RGS6: variants seen among roughly 807,000 people sequenced by gnomAD.
RGS6 encodes regulator of G protein signaling 6, also known as regulator of G-protein signaling 6.
Under a neutral mutation model 78.5 loss-of-function variants are expected in RGS6, and 30 were observed. The ratio of observed to expected loss-of-function variants is 0.38; its 90% CI spans 0.29 to 0.52. The LOEUF is 0.52. Ranked by LOEUF, RGS6 falls within the 20% of genes least tolerant of loss-of-function variation. RGS6 has a pLI of 0.85. For synonymous variants in RGS6, 206 were observed against 206.0 expected (o/e 1.00, Z 0.00); for missense variants, 495 against 609.7 (o/e 0.81, Z 1.98).
intron 2 of RGS6, among the ~76,000 whole-genome samples, chr14:72,324,296 C>A (rs2073063314): frequency 6.6e-6 from 1 of 151,896 alleles, no homozygotes; most frequent in African/African-American, 2.4e-5. Flanking sequence ...AAAAAATTAA[C>A]AAGCACAAAC....
chr14:72,456,068 A>T (rs2096577423), intron 4 of RGS6, among the ~76,000 whole-genome samples: 1 of 152,230 alleles, frequency 6.6e-6, no homozygotes, highest in African/African-American at 2.4e-5. Flanking sequence ...GAATGATGAG[A>T]GTTATTTCTA....
intron 2 of RGS6, among the ~76,000 whole-genome samples, chr14:72,061,333 A>G (rs2093883315): frequency 6.6e-6 from 1 of 152,200 alleles, no homozygotes; most frequent in Non-Finnish European, 1.5e-5. Context: ...GTGATTTGGC[A>G]TACTCAGTGT....
At chr14:72,557,820 G>A (rs920387244) in intron 17 of RGS6, among the ~76,000 whole-genome samples, 3 of 152,198 alleles carry the variant, frequency 2.0e-5, no homozygotes, top group African/African-American at 7.2e-5. Context: ...TTCCACATTA[G>A]TTCTGTTGCG....
At chr14:71,924,753 A>G in the RGS6 span, among the ~76,000 whole-genome samples, 2 of 152,340 alleles carry the variant, frequency 1.3e-5, no homozygotes, top group Middle Eastern at 3.4e-3. Flanking sequence ...ATAATATTCC[A>G]TGTATATGGA....
the RGS6 span, among the ~76,000 whole-genome samples, chr14:72,598,977 A>T: frequency 6.6e-6 from 1 of 151,752 alleles, no homozygotes; most frequent in Admixed American, 6.6e-5. Flanking sequence ...TGGTCTGGGC[A>T]TTGGGAGACC....
chr14:72,261,771 G>A (rs2058208964), intron 2 of RGS6, among the ~76,000 whole-genome samples: 1 of 152,054 alleles, frequency 6.6e-6, no homozygotes, highest in Non-Finnish European at 1.5e-5. Flanking sequence ...CAAAATTGAA[G>A]TCTTGTAGCC....
intron 1 of RGS6, among the ~76,000 whole-genome samples, chr14:71,958,782 C>A (rs1214934928): frequency 2.0e-5 from 3 of 152,162 alleles, no homozygotes; most frequent in Non-Finnish European, 4.4e-5. Flanking sequence ...GCTGTACTTA[C>A]AAATCATCTG....
intron 3 of RGS6, among the ~76,000 whole-genome samples, chr14:72,399,910 A>G (rs1185071114): frequency 1.3e-5 from 2 of 152,202 alleles, no homozygotes; most frequent in African/African-American, 2.4e-5. Flanking sequence ...ATCTACATCT[A>G]ATTGATGTAC....
chr14:71,920,064 A>G, the RGS6 span, among the ~76,000 whole-genome samples: 1 of 152,204 alleles, frequency 6.6e-6, no homozygotes, highest in Non-Finnish European at 1.5e-5. Context: ...ATATGTAGCT[A>G]GGTTAGCAAT....
chr14:71,909,620 G>GAGGGGGAAGGAGAGAGAGA, the RGS6 span, among the ~76,000 whole-genome samples: 1 of 150,396 alleles, frequency 6.6e-6, no homozygotes, highest in African/African-American at 2.5e-5. Flanking sequence ...AGGAGAGAGA[G>GAGGGGGAAGGAGAGAGAGA]GGGGGAAAGA....
At chr14:71,902,362 C>T in the RGS6 span, among the ~76,000 whole-genome samples, 1 of 152,274 alleles carries the variant, frequency 6.6e-6, no homozygotes, top group South Asian at 2.1e-4. Context: ...TGTCAAATCT[C>T]ATTAGGCTTA....
the RGS6 span, among the ~76,000 whole-genome samples, chr14:72,582,935 G>A: frequency 7.2e-6 from 1 of 139,542 alleles, no homozygotes; most frequent in Admixed American, 7.3e-5. Flanking sequence ...ATTTGAATGA[G>A]TGGACTGAGT....
chr14:72,522,889 A>G (rs986021042), intron 15 of RGS6, among the ~76,000 whole-genome samples: 2 of 152,250 alleles, frequency 1.3e-5, no homozygotes, highest in Non-Finnish European at 2.9e-5. Flanking sequence ...ATTGGGCATA[A>G]AGGATCTTCA....
chr14:72,518,577 T>C (rs890439101), intron 15 of RGS6, 40 bp downstream of exon 15: 2 of 1,579,356 alleles, frequency 1.3e-6, no homozygotes, highest in African/African-American at 2.7e-5. Flanking sequence ...AAGGTGTTCA[T>C]TTGTCCCCTT....
rs572888028 is a variant in RGS6 at position 72,344,844 on chromosome 14, A to G, written c.85-7251A>G. On this transcript the variant is annotated intron_variant, in intron 2 of 17. Coordinates refer to ENST00000553525, the MANE Select transcript of RGS6 (RefSeq NM_001204424.2). ...TCATATTTTCCCTTTTAAGAGTATC[A>G]TATAGGCTGCAGTGTGGGAAACAGA... Among the ~76,000 whole-genome samples the G allele has an allele frequency of 5.9e-5, 9 of 152,328 alleles. No individual in the cohort carries two copies. In the East Asian group the frequency reaches 1.7e-3, roughly 29 times the overall value.
intron 2 of RGS6, among the ~76,000 whole-genome samples, chr14:72,275,375 C>T (rs2060519480): frequency 1.3e-5 from 2 of 152,156 alleles, no homozygotes; most frequent in South Asian, 4.1e-4. Context: ...GTTCATGAGG[C>T]ATTTCAGATA....
In RGS6 at chr14:72,285,058, A is replaced by G. The variant is rs141942263; in HGVS notation, c.85-67037A>G. Among the ~76,000 whole-genome samples, 365 of 152,302 alleles carry G rather than the reference A, an allele frequency of 2.4e-3. 1 individual carries two copies. The highest frequency in any genetic ancestry group is 2.4e-3 in the Non-Finnish European group (165 of 68,016). On this transcript the variant is annotated intron_variant, in intron 2 of 17. Coordinates refer to ENST00000553525, the MANE Select transcript of RGS6 (RefSeq NM_001204424.2). ...TGTACCCCCATTGTATCTAGGAAGTAACTAACTTGCTTTTGATTTTACAGG... is the reference window on the plus strand; with the variant it reads ...TGTACCCCCATTGTATCTAGGAAGTGACTAACTTGCTTTTGATTTTACAGG...
chr14:72,094,403 T>C (rs950943097), intron 2 of RGS6, among the ~76,000 whole-genome samples: 2 of 152,258 alleles, frequency 1.3e-5, no homozygotes, highest in Admixed American at 6.5e-5. Flanking sequence ...AAGATATCAT[T>C]GATAAGTGGT....
chr14:72,539,408 A>T (rs2087515194), intron 16 of RGS6, among the ~76,000 whole-genome samples: 1 of 152,016 alleles, frequency 6.6e-6, no homozygotes, highest in African/African-American at 2.4e-5. Flanking sequence ...CTATGAGTAG[A>T]CCCTCCTTGC....
Sources: allele counts gnomAD v4.1 joint callset (sites outside exome capture counted in the v4.1 genomes callset), GRCh38; gene constraint gnomAD v4.1.1; transcripts MANE v1.5; gene names NCBI Gene and HGNC (gene_info 2026-07-23, HGNC 2026-07-21).